CDH13: variants seen among roughly 807,000 people sequenced by gnomAD.
CDH13 encodes cadherin 13.
CDH13 carries 24 observed loss-of-function variants against 63.8 expected under a neutral mutation model. That is an observed-to-expected ratio of 0.38 (90% CI 0.27 to 0.53). CDH13 has a LOEUF of 0.53. Among genes scored for constraint, CDH13 ranks in the 20% least tolerant of loss-of-function variants. CDH13 has a pLI of 0.85. For missense variants in CDH13, 1,049 were observed against 903.1 expected (o/e 1.16, Z -2.07); for synonymous variants, 503 against 355.3 (o/e 1.42, Z -4.67).
intron 5 of CDH13, among the ~76,000 whole-genome samples, chr16:83,307,849 A>G (rs756021579): frequency 2.5e-4 from 38 of 152,206 alleles, no homozygotes; most frequent in Admixed American, 2.0e-3. Context: ...TTTGCCGGTA[A>G]TATGCGTGCT....
intron 6 of CDH13, among the ~76,000 whole-genome samples, chr16:83,396,977 C>G (rs2091896235): frequency 6.6e-6 from 1 of 152,160 alleles, no homozygotes; most frequent in African/African-American, 2.4e-5. Flanking sequence ...CCCATGGTTA[C>G]ACAGCTACTA....
intron 6 of CDH13, chr16:83,397,990 G>A (rs1444064674): frequency 7.4e-6 from 1 of 134,414 alleles, no homozygotes; most frequent in Non-Finnish European, 1.6e-5. Context: ...TGCAGGTGCA[G>A]GGGAGGCTTC....
chr16:82,673,574 C>T (rs1028037376), intron 1 of CDH13, among the ~76,000 whole-genome samples: 10 of 152,024 alleles, frequency 6.6e-5, no homozygotes, highest in Non-Finnish European at 1.2e-4. Flanking sequence ...AATAATTCTA[C>T]GAGCCATGAA....
At chr16:83,015,673 G>GTGTATATA (rs1220935113) in intron 2 of CDH13, among the ~76,000 whole-genome samples, 2 of 39,990 alleles carry the variant, frequency 5.0e-5, no homozygotes, top group African/African-American at 7.6e-5. Flanking sequence ...GTGTGTGTGT[G>GTGTATATA]TATGTATATA....
intron 3 of CDH13, among the ~76,000 whole-genome samples, chr16:83,037,032 C>A (rs1044201564): frequency 5.9e-5 from 9 of 152,120 alleles, no homozygotes; most frequent in African/African-American, 2.2e-4. Flanking sequence ...AGCTATGGAG[C>A]CACTGTAGGT....
intron 6 of CDH13, among the ~76,000 whole-genome samples, chr16:83,456,645 G>A (rs1352427531): frequency 1.3e-5 from 2 of 152,150 alleles, no homozygotes; most frequent in Non-Finnish European, 2.9e-5. Context: ...TTAGGAAGCA[G>A]TGAATGATGT....
chr16:82,873,943 T>C (rs181241021), intron 2 of CDH13, among the ~76,000 whole-genome samples: 32 of 152,284 alleles, frequency 2.1e-4, no homozygotes, highest in Non-Finnish European at 4.4e-5. Flanking sequence ...CACTCATGCT[T>C]GGTCTCTTTG....
At chr16:83,168,557 A>G (rs1216378016) in intron 4 of CDH13, among the ~76,000 whole-genome samples, 1 of 152,050 alleles carries the variant, frequency 6.6e-6, no homozygotes, top group East Asian at 1.9e-4. Context: ...TTTTCAAATT[A>G]ACTTATTCTG....
chr16:83,713,609 C>G (rs556495422), intron 10 of CDH13, among the ~76,000 whole-genome samples: 1 of 152,010 alleles, frequency 6.6e-6, no homozygotes, highest in African/African-American at 2.4e-5. Flanking sequence ...GGCTGGGACT[C>G]TTTTAGTTAA....
chr16:82,748,123 T>C (rs2034258263), intron 1 of CDH13, among the ~76,000 whole-genome samples: 2 of 152,192 alleles, frequency 1.3e-5, no homozygotes, highest in African/African-American at 2.4e-5. Context: ...GCAGCTGCAC[T>C]ATAATAAATG....
intron 1 of CDH13, chr16:82,829,363 C>G (rs758318010): frequency 1.3e-5 from 2 of 152,204 alleles, no homozygotes; most frequent in Admixed American, 6.6e-5. Flanking sequence ...GGAGCCCTGT[C>G]TGCTTGCCTG....
chr16:83,432,997 C>T (rs2072172043), intron 6 of CDH13, among the ~76,000 whole-genome samples: 1 of 152,222 alleles, frequency 6.6e-6, no homozygotes, highest in South Asian at 2.1e-4. Flanking sequence ...CTTATCCATG[C>T]TGTTGCAGGA....
chr16:83,711,788 T>G (rs1342875050), intron 10 of CDH13, among the ~76,000 whole-genome samples: 1 of 152,244 alleles, frequency 6.6e-6, no homozygotes, highest in Non-Finnish European at 1.5e-5. Flanking sequence ...AGCACTGGGA[T>G]TACAGGCGTG....
chr16:82,869,883 G>T lies in CDH13; in HGVS notation c.157+11410G>T, dbSNP rs149486688. On this transcript the variant is annotated intron_variant, in intron 2 of 13. Coordinates refer to ENST00000567109, the MANE Select transcript of CDH13 (RefSeq NM_001257.5). The stretch of plus-strand genomic sequence containing the variant: ...AACTGAAACTCTGAAACGACTACAT[G>T]AAAACATTGGGGGAAATACTCCAGG... Among the ~76,000 whole-genome samples the T allele has an allele frequency of 3.1e-3, 465 of 152,242 alleles. 3 individuals are homozygous for T. The highest frequency in any genetic ancestry group is 0.01 in the African/African-American group (416 of 41,550).
At chr16:82,753,335 C>T (rs1356172732) in intron 1 of CDH13, among the ~76,000 whole-genome samples, 1 of 152,138 alleles carries the variant, frequency 6.6e-6, no homozygotes, top group Admixed American at 6.5e-5. Context: ...CTGTCCTTGG[C>T]TTCATTTTCC....
chr16:83,008,301 G>A (rs1397763334), intron 2 of CDH13, among the ~76,000 whole-genome samples: 1 of 152,240 alleles, frequency 6.6e-6, no homozygotes, highest in Non-Finnish European at 1.5e-5. Flanking sequence ...GGAAGGGGCA[G>A]ATAACAAAGG....
intron 5 of CDH13, among the ~76,000 whole-genome samples, chr16:83,258,797 C>G (rs1366816347): frequency 2.0e-5 from 3 of 152,204 alleles, no homozygotes; most frequent in Non-Finnish European, 4.4e-5. Flanking sequence ...GCACAGAGCA[C>G]ATCGTGACGC....
intron 1 of CDH13, among the ~76,000 whole-genome samples, chr16:82,774,623 A>G (rs888592489): frequency 1.3e-5 from 2 of 152,220 alleles, no homozygotes; most frequent in Admixed American, 6.5e-5. Context: ...TTTATCTGAC[A>G]TAACTTAATT....
At chr16:83,181,632 G>T (rs36101797) in intron 4 of CDH13, among the ~76,000 whole-genome samples, 11,210 of 152,184 alleles carry the variant, frequency 0.074, 593 homozygotes, top group African/African-American at 0.13. Context: ...GAGTTGAGCC[G>T]CATGCTGAAA....
Sources: gnomAD v4.1 joint callset for allele counts (sites outside exome capture counted in the v4.1 genomes callset) on GRCh38, gnomAD v4.1.1 for gene constraint, MANE v1.5 for transcripts, NCBI Gene and HGNC (gene_info 2026-07-23, HGNC 2026-07-21) for gene names.